LTBP2: variants seen among roughly 807,000 people sequenced by gnomAD.
LTBP2 encodes the protein latent transforming growth factor beta binding protein 2.
In LTBP2, 103 loss-of-function variants were observed where a neutral mutation model predicts 210.6. The ratio of observed to expected loss-of-function variants is 0.49; its 90% CI spans 0.42 to 0.58. LTBP2 has a LOEUF of 0.58. Among genes scored for constraint, LTBP2 ranks in the 20% least tolerant of loss-of-function variants. The pLI, the probability that LTBP2 is intolerant of heterozygous loss-of-function variation, is 0.00. For synonymous variants in LTBP2, 1,007 were observed against 1,015.0 expected (o/e 0.99, Z 0.15); for missense variants, 2,313 against 2,494.5 (o/e 0.93, Z 1.55).
At position 74,508,590 on chromosome 14, in the gene LTBP2, T is replaced by G. The variant is rs769441955; in HGVS notation, c.3652+14A>C. Reference sequence around the variant, plus strand: ...TGCTCCTGGCCAGTAGAGGTAGCTGTGCTGGCTTCTCACCCTGGCAGCTGG... The same window carrying G: ...TGCTCCTGGCCAGTAGAGGTAGCTGGGCTGGCTTCTCACCCTGGCAGCTGG... On this transcript the variant is annotated intron_variant, in intron 24 of 35. Coordinates refer to ENST00000261978, the MANE Select transcript of LTBP2 (RefSeq NM_000428.3). The G allele has an allele frequency of 6.2e-7, 1 of 1,601,886 alleles. No individual in the cohort carries two copies. The highest frequency in any genetic ancestry group is 1.7e-5 in the Admixed American group (1 of 59,696).
intron 3 of LTBP2, among the ~76,000 whole-genome samples, chr14:74,580,646 C>T (rs2088123944): frequency 6.6e-6 from 1 of 152,210 alleles, no homozygotes; most frequent in African/African-American, 2.4e-5. Context: ...TTAAGCCACT[C>T]AGTGTGTTAT....
chr14:74,535,911 C>T lies in LTBP2; in HGVS notation c.1864+15G>A, dbSNP rs367974670. On this transcript the variant is annotated intron_variant, in intron 9 of 35. Coordinates refer to ENST00000261978, the MANE Select transcript of LTBP2 (RefSeq NM_000428.3). ...CCGGCATCCTTGAGCCCAGCCCTGG[C>T]CCTGGGGGTCCTACCTTGGCAGTGA... is the stretch of plus-strand genomic sequence containing the variant. 4.4e-5 allele frequency: 71 copies of T among 1,612,720 alleles called. No individual in the cohort carries two copies. The African/African-American group carries it at 8.8e-4, about 20-fold the overall frequency.
intron 4 of LTBP2, 67 bp downstream of exon 4, chr14:74,555,436 A>T: frequency 6.5e-7 from 1 of 1,545,928 alleles, no homozygotes; most frequent in Non-Finnish European, 8.9e-7. Context: ...CAGAGGGGGA[A>T]GCCAAGGTGG....
intron 2 of LTBP2, among the ~76,000 whole-genome samples, chr14:74,591,056 G>A (rs1366937606): frequency 6.6e-6 from 1 of 152,170 alleles, no homozygotes; most frequent in African/African-American, 2.4e-5. Flanking sequence ...CAAACCCTGT[G>A]AGCCAAGCCC....
intron 3 of LTBP2, among the ~76,000 whole-genome samples, chr14:74,568,240 G>A (rs540260966): frequency 6.6e-6 from 1 of 152,286 alleles, no homozygotes; most frequent in South Asian, 2.1e-4. Flanking sequence ...GACACAGCAG[G>A]TACACTATAT....
chr14:74,511,393 A>G, intron 18 of LTBP2, 29 bp from the exon 19 acceptor site: 1 of 1,613,520 alleles, frequency 6.2e-7, no homozygotes, highest in Middle Eastern at 1.7e-4. Flanking sequence ...TCCCTTGGTC[A>G]TCCCTGGGAA....
At position 74,529,082 on chromosome 14, in the gene LTBP2, C is replaced by A. The variant is rs1201950600; in HGVS notation, c.2028G>T (p.Arg676=). 1 of 1,555,040 alleles carries A rather than the reference C, an allele frequency of 6.4e-7. No individual in the cohort carries two copies. Among genetic ancestry groups the A allele is most frequent in the East Asian group, 2.4e-5 (1 of 41,290 alleles). Residue 676 remains arginine (R), a synonymous_variant, in exon 11 of 36, where the codon CGG becomes CGT. Transcript: ENST00000261978. Reference sequence around the variant, plus strand: ...GGGTGCAGGTGCCGGGCCCCAGCGACCGGTAGCACAGTCCCTGCAGCATGG... The same window carrying A: ...GGGTGCAGGTGCCGGGCCCCAGCGAACGGTAGCACAGTCCCTGCAGCATGG... The part of the protein sequence containing the change: ...AISMLQGLCY[R]SLGPGTCTLP...
chr14:74,596,549 G>A lies in LTBP2; in HGVS notation c.565+7086C>T, dbSNP rs1239039931. 5.9e-5 allele frequency among the ~76,000 whole-genome samples: 9 copies of A among 152,344 alleles called. No homozygotes were observed. The South Asian group carries it at 6.2e-4, about 11-fold the overall frequency. ...GGAGCTGGGTGAGTGTGGAGATGCC[G>A]CTGCAGGAAGTTTCAGGTGGGATGT... On this transcript the variant is annotated intron_variant, in intron 2 of 35. Coordinates refer to ENST00000261978, the MANE Select transcript of LTBP2 (RefSeq NM_000428.3).
In LTBP2 at chr14:74,502,859, T is replaced by C. The variant is rs140493259; in HGVS notation, c.4964A>G (p.Tyr1655Cys). 1,015 of 1,613,916 alleles carry C rather than the reference T, an allele frequency of 6.3e-4. No individual in the cohort carries two copies. Among genetic ancestry groups the C allele is most frequent in the Non-Finnish European group, 7.4e-4 (878 of 1,180,004 alleles). ...REAGVHFRPG[Y>C]EYGPGPDDLH... The stretch of plus-strand genomic sequence containing the variant: ...GTCATCGGGCCCGGGGCCATACTCA[T>C]AGCCTGGCCGGAAGTGGACCCCGGC... The change falls in exon 34 of 36, where the codon TAT becomes TGT. Residue 1655 changes from tyrosine (Y) to cysteine (C), a missense_variant. Physicochemically the swap from Tyr to Cys is radical, Grantham distance 194. This residue lies in a region of LTBP2 where 443 missense variants were observed against 501.4 expected (regional missense o/e 0.88). Coordinates refer to ENST00000261978, the MANE Select transcript of LTBP2 (RefSeq NM_000428.3).
intron 8 of LTBP2, among the ~76,000 whole-genome samples, chr14:74,536,580 C>T (rs750222071): frequency 6.6e-6 from 1 of 152,230 alleles, no homozygotes; most frequent in Non-Finnish European, 1.5e-5. Context: ...GGCGCAGTGG[C>T]TCATGCCTTA....
Position 74,509,146 on chromosome 14 carries a change from C to T in LTBP2, c.3403+92G>A, listed in dbSNP as rs1164829216. ...GGGAGCGGGATGATGGCAGCTCCTC[C>T]AGCCTCAGCAGCCCCCCACCTGCTG... On this transcript the variant is annotated intron_variant, in intron 22 of 35. Coordinates refer to ENST00000261978, the MANE Select transcript of LTBP2 (RefSeq NM_000428.3). 8 of 1,598,430 alleles carry T rather than the reference C, an allele frequency of 5.0e-6. No homozygotes were observed. The African/African-American group carries it at 1.1e-4, about 21-fold the overall frequency.
At chr14:74,579,427 C>T (rs573618612) in intron 3 of LTBP2, among the ~76,000 whole-genome samples, 4 of 152,334 alleles carry the variant, frequency 2.6e-5, no homozygotes, top group African/African-American at 7.2e-5. Flanking sequence ...ACGGGAAACC[C>T]GTGGGCTCAC....
chr14:74,507,963 G>A lies in LTBP2; in HGVS notation c.3775+10C>T. 6.2e-7 allele frequency: 1 copy of A among 1,612,698 alleles called. No homozygotes were observed. The highest frequency in any genetic ancestry group is 8.5e-7 in the Non-Finnish European group (1 of 1,179,920). Reference sequence around the variant, plus strand: ...GGCAGAGCCCTGTGCCCTCCCCCCAGAGCCCTTACCCACACACTCTCCACT... The same window carrying A: ...GGCAGAGCCCTGTGCCCTCCCCCCAAAGCCCTTACCCACACACTCTCCACT... On this transcript the variant is annotated intron_variant, in intron 25 of 35. Transcript: ENST00000261978.
chr14:74,551,452 G>T, intron 6 of LTBP2, 102 bp from the exon 7 acceptor site: 2 of 1,145,256 alleles, frequency 1.7e-6, no homozygotes, highest in Non-Finnish European at 2.4e-6. Context: ...CAGGCCACTG[G>T]CTATGTGTCA....
chr14:74,509,700 C>A (rs746626327), intron 21 of LTBP2, 34 bp downstream of exon 21: 2 of 1,613,800 alleles, frequency 1.2e-6, no homozygotes, highest in Non-Finnish European at 1.7e-6. Flanking sequence ...AGCCTATATT[C>A]TGTCCCCTTC....
chr14:74,589,162 T>G (rs116237726), intron 2 of LTBP2, among the ~76,000 whole-genome samples: 1 of 152,344 alleles, frequency 6.6e-6, no homozygotes, highest in African/African-American at 2.4e-5. Context: ...CGTCATCTCA[T>G]GGGCTTATCC....
intron 8 of LTBP2, among the ~76,000 whole-genome samples, chr14:74,543,797 C>T (rs1483696981): frequency 6.6e-6 from 1 of 152,190 alleles, no homozygotes; most frequent in Non-Finnish European, 1.5e-5. Context: ...TTCAGATTTC[C>T]CTCCTTGGTG....
chr14:74,517,675 C>T (rs1423383932), intron 17 of LTBP2, among the ~76,000 whole-genome samples: 1 of 152,194 alleles, frequency 6.6e-6, no homozygotes, highest in African/African-American at 2.4e-5. Flanking sequence ...ACCTGGCCTC[C>T]TGGAGTCCTT....
chr14:74,505,058 T>C lies in LTBP2; in HGVS notation c.4294A>G (p.Thr1432Ala), dbSNP rs772196640. 1.9e-6 allele frequency: 3 copies of C among 1,614,080 alleles called. No homozygotes were observed. The highest frequency in any genetic ancestry group is 2.5e-6 in the Non-Finnish European group (3 of 1,180,014). ...TGGGTGCAGCAGCATTCAGCCTGTG[T>C]GGTGTTCCGGCCCAGGACACTGGAG... Reference protein sequence around the residue: ...PCSSVLGRNTTQAECCCTQGA... With the variant: ...PCSSVLGRNTAQAECCCTQGA... The change falls in exon 29 of 36, where the codon ACA becomes GCA. Residue 1432 changes from threonine to alanine, a missense_variant. Thr to Ala is a moderately conservative substitution (Grantham distance 58). Coordinates refer to ENST00000261978, the MANE Select transcript of LTBP2 (RefSeq NM_000428.3).
Sources: allele counts gnomAD v4.1 joint callset (sites outside exome capture counted in the v4.1 genomes callset), GRCh38; gene constraint gnomAD v4.1.1; regional missense constraint gnomAD v4.1.1; transcripts MANE v1.5; gene names NCBI Gene and HGNC (gene_info 2026-07-23, HGNC 2026-07-21).